MARK1: variants seen among roughly 807,000 people sequenced by gnomAD.
MARK1 encodes the protein microtubule affinity regulating kinase 1, also known as serine/threonine-protein kinase MARK1.
In MARK1, 40 loss-of-function variants were observed where a neutral mutation model predicts 96.3. The observed-to-expected ratio is 0.42, with a 90% CI of 0.32 to 0.54. The LOEUF is 0.54. Among genes scored for constraint, MARK1 ranks in the 20% least tolerant of loss-of-function variants. The probability of loss-of-function intolerance (pLI) is 0.16; values close to 1 mark genes in which losing one functional copy is unlikely to be tolerated. For synonymous variants in MARK1, 317 were observed against 341.2 expected (o/e 0.93, Z 0.78); for missense variants, 719 against 984.6 (o/e 0.73, Z 3.61).
At position 220,654,770 on chromosome 1, in the gene MARK1, G is replaced by GT. The variant is rs1487625710; in HGVS notation, c.1988+1421dup. ...TAAAGTGAAGAAAAATAGGTTTATA[G>GT]TTTAGTGCTTGATTACTAATTGTGC... On this transcript the variant is annotated intron_variant, in intron 16 of 17. Coordinates refer to ENST00000366917, the MANE Select transcript of MARK1 (RefSeq NM_018650.5). The surrounding 1 kb of genome is among the most constrained non-coding windows in gnomAD (Gnocchi z 4.0). Among the ~76,000 whole-genome samples the GT allele has an allele frequency of 6.6e-6, 1 of 152,200 alleles. No individual in the cohort carries two copies. The highest frequency in any genetic ancestry group is 2.4e-5 in the African/African-American group (1 of 41,450).
At position 220,635,885 on chromosome 1, in the gene MARK1, C is replaced by T; in HGVS notation, c.1329C>T (p.Asn443=). The change falls in exon 13 of 18, where the codon AAC becomes AAT. Residue 443 remains asparagine, a synonymous_variant. Coordinates refer to ENST00000366917, the MANE Select transcript of MARK1 (RefSeq NM_018650.5). ...AVSYTKRPQA[N]SVESEQKEEW... is the part of the protein sequence containing the mutation. ...CATATACCAAAAGACCTCAGGCTAA[C>T]AGTGTGGAAAGTGAACAGAAAGAGG... 3 of 1,613,758 alleles carry T rather than the reference C, an allele frequency of 1.9e-6. No individual in the cohort carries two copies. Among genetic ancestry groups the T allele is most frequent in the South Asian group, 2.2e-5 (2 of 91,044 alleles).
At chr1:220,556,927 G>T (rs978800136) in intron 1 of MARK1, among the ~76,000 whole-genome samples, 6 of 152,118 alleles carry the variant, frequency 3.9e-5, no homozygotes, top group Admixed American at 3.9e-4. Flanking sequence ...ATAAGAAAGT[G>T]CAGCATTCAT....
At chr1:220,600,138 C>G (rs1665643575) in intron 5 of MARK1, among the ~76,000 whole-genome samples, 1 of 152,072 alleles carries the variant, frequency 6.6e-6, no homozygotes, top group African/African-American at 2.4e-5. Context: ...TATTGATTCT[C>G]TTATCTAAAT....
chr1:220,632,082 C>T, intron 10 of MARK1, 119 bp from the exon 11 acceptor site: 1 of 521,504 alleles, frequency 1.9e-6, no homozygotes, highest in Non-Finnish European at 3.5e-6. Context: ...TTTAAAACTA[C>T]ACTTTAAATT....
chr1:220,594,167 G>T (rs547311357), intron 3 of MARK1, among the ~76,000 whole-genome samples: 1 of 152,310 alleles, frequency 6.6e-6, no homozygotes. Context: ...TCAAAAATTG[G>T]CTTGAAAAGG....
At chr1:220,624,377 A>C (rs1355174531) in intron 9 of MARK1, among the ~76,000 whole-genome samples, 1 of 151,596 alleles carries the variant, frequency 6.6e-6, no homozygotes, top group African/African-American at 2.4e-5. Context: ...AGGTGGGCGG[A>C]TCACCTGAGG....
intron 9 of MARK1, among the ~76,000 whole-genome samples, chr1:220,624,714 A>G (rs1447249630): frequency 6.6e-6 from 1 of 152,212 alleles, no homozygotes. Context: ...GAACATATGG[A>G]TATGAAGTGA....
intron 6 of MARK1, among the ~76,000 whole-genome samples, chr1:220,613,192 G>A (rs1449720997): frequency 6.6e-6 from 1 of 152,124 alleles, no homozygotes; most frequent in African/African-American, 2.4e-5. Context: ...GTAAAAATTG[G>A]GCTTGTGGAG....
At chr1:220,614,387 T>C (rs949484272) in intron 6 of MARK1, among the ~76,000 whole-genome samples, 1 of 152,130 alleles carries the variant, frequency 6.6e-6, no homozygotes, top group African/African-American at 2.4e-5. Flanking sequence ...AAAATATTTC[T>C]GTCCTTCAAG....
intron 1 of MARK1, among the ~76,000 whole-genome samples, chr1:220,539,801 A>T (rs1470514535): frequency 2.0e-5 from 3 of 150,712 alleles, no homozygotes; most frequent in Non-Finnish European, 3.0e-5. Context: ...GAATTTTTAT[A>T]TTGATATGCA....
At chr1:220,600,758 A>G (rs1572154429) in intron 5 of MARK1, among the ~76,000 whole-genome samples, 1 of 152,134 alleles carries the variant, frequency 6.6e-6, no homozygotes, top group African/African-American at 2.4e-5. Flanking sequence ...TGAACTTACT[A>G]TTGAGCTCTT....
Position 220,635,836 on chromosome 1 carries a change from G to T in MARK1, c.1280G>T (p.Gly427Val). The change falls in exon 13 of 18, where the codon GGT becomes GTT. Residue 427 changes from glycine to valine, a missense_variant. By Grantham distance (109) the Gly-to-Val change is moderately radical (BLOSUM62 -3). Coordinates refer to ENST00000366917, the MANE Select transcript of MARK1 (RefSeq NM_018650.5). Reference protein sequence around the residue: ...QKQRRFSDHAGPSIPPAVSYT... With the variant: ...QKQRRFSDHAVPSIPPAVSYT... ...GCTATTTTTAAAAAAATTATAGCTGGTCCATCCATTCCTCCTGCTGTATCA... is the reference window on the plus strand; with the variant it reads ...GCTATTTTTAAAAAAATTATAGCTGTTCCATCCATTCCTCCTGCTGTATCA... The T allele has an allele frequency of 6.3e-7, 1 of 1,579,680 alleles. No homozygotes were observed. The highest frequency in any genetic ancestry group is 8.6e-7 in the Non-Finnish European group (1 of 1,167,050).
chr1:220,571,722 T>C (rs1357846733), intron 1 of MARK1: 1 of 148,232 alleles, frequency 6.7e-6, no homozygotes, highest in Non-Finnish European at 1.5e-5. Context: ...TTTTTATTTA[T>C]TTATTTTTAT....
chr1:220,640,323 C>T (rs1293695711), intron 13 of MARK1, among the ~76,000 whole-genome samples: 1 of 152,154 alleles, frequency 6.6e-6, no homozygotes, highest in African/African-American at 2.4e-5. Flanking sequence ...TTGTCTTAGT[C>T]AATAGTAAAA....
intron 3 of MARK1, among the ~76,000 whole-genome samples, chr1:220,597,668 C>T (rs930307791): frequency 3.9e-5 from 6 of 152,214 alleles, no homozygotes; most frequent in African/African-American, 1.4e-4. Context: ...TATTTGGAAG[C>T]TAACATATAC....
intron 3 of MARK1, among the ~76,000 whole-genome samples, chr1:220,583,356 A>G (rs1047229618): frequency 6.6e-6 from 1 of 152,230 alleles, no homozygotes; most frequent in Non-Finnish European, 1.5e-5. Context: ...GATAGATAAA[A>G]GAATCTAAAG....
At chr1:220,551,964 G>A (rs1558253031) in intron 1 of MARK1, among the ~76,000 whole-genome samples, 1 of 152,162 alleles carries the variant, frequency 6.6e-6, no homozygotes, top group Non-Finnish European at 1.5e-5. Context: ...CCTGCACTGG[G>A]TTATTGCAGT....
chr1:220,615,856 A>G, intron 6 of MARK1, 83 bp from the exon 7 acceptor site: 1 of 713,532 alleles, frequency 1.4e-6, no homozygotes, highest in Non-Finnish European at 2.4e-6. Context: ...CCGAATTAGT[A>G]ATTTATCTAA....
chr1:220,593,139 C>A (rs1396790715), intron 3 of MARK1, among the ~76,000 whole-genome samples: 1 of 151,816 alleles, frequency 6.6e-6, no homozygotes, highest in Non-Finnish European at 1.5e-5. Flanking sequence ...ATATTAATAA[C>A]AAGTTCATAA....
Sources: gnomAD v4.1 joint callset for allele counts (sites outside exome capture counted in the v4.1 genomes callset) on GRCh38, gnomAD v4.1.1 for gene constraint, Gnocchi (gnomAD v3.1) non-coding constraint, MANE v1.5 for transcripts, NCBI Gene and HGNC (gene_info 2026-07-23, HGNC 2026-07-21) for gene names.